ROCK1: variants seen among roughly 807,000 people sequenced by gnomAD.
The protein encoded by ROCK1 is rho-associated protein kinase 1.
A neutral mutation model predicts 196.8 loss-of-function variants in ROCK1; 36 were observed. That is an observed-to-expected ratio of 0.18 (90% CI 0.14 to 0.24). The LOEUF is 0.24. Among genes scored for constraint, ROCK1 ranks in the 10% least tolerant of loss-of-function variants. ROCK1 has a pLI of 1.00. For synonymous variants in ROCK1, 443 were observed against 515.9 expected (o/e 0.86, Z 1.91); for missense variants, 920 against 1,562.0 (o/e 0.59, Z 6.93).
chr18:20,966,897 T>C lies in ROCK1; in HGVS notation c.3352+20A>G. 15 of 1,570,252 alleles carry C rather than the reference T, an allele frequency of 9.6e-6. No individual in the cohort carries two copies. Among genetic ancestry groups the C allele is most frequent in the Non-Finnish European group, 1.3e-5 (15 of 1,148,756 alleles). On this transcript the variant is annotated intron_variant, in intron 27 of 32. Coordinates refer to ENST00000399799, the MANE Select transcript of ROCK1 (RefSeq NM_005406.3). Reference sequence around the variant, plus strand: ...TCCATGACATTTATACATGTTTGAATGATACAGAATTATTCTTACCTGGGA... The same window carrying C: ...TCCATGACATTTATACATGTTTGAACGATACAGAATTATTCTTACCTGGGA...
chr18:20,988,663 T>C (rs2143401561), intron 18 of ROCK1, among the ~76,000 whole-genome samples: 1 of 152,294 alleles, frequency 6.6e-6, no homozygotes, highest in South Asian at 2.1e-4. Context: ...AGGTGGTTCA[T>C]TTTGACTTTC....
At chr18:20,961,409 T>C (rs2035324875) in intron 27 of ROCK1, among the ~76,000 whole-genome samples, 1 of 152,220 alleles carries the variant, frequency 6.6e-6, no homozygotes. Context: ...ATATCTCATA[T>C]TTAACCTATG....
At chr18:20,976,419 C>G (rs747015417) in intron 22 of ROCK1, among the ~76,000 whole-genome samples, 4 of 152,140 alleles carry the variant, frequency 2.6e-5, no homozygotes, top group Non-Finnish European at 5.9e-5. Context: ...TTGGGTCAAC[C>G]TTTTACATAA....
intron 2 of ROCK1, among the ~76,000 whole-genome samples, chr18:21,063,320 C>CA (rs1395837587): frequency 7.2e-5 from 11 of 152,036 alleles, no homozygotes; most frequent in Admixed American, 3.9e-4. Flanking sequence ...GATAAGTATA[C>CA]AAGATGCCAT....
At chr18:21,098,541 T>C (rs1394959391) in intron 1 of ROCK1, among the ~76,000 whole-genome samples, 1 of 151,958 alleles carries the variant, frequency 6.6e-6, no homozygotes, top group African/African-American at 2.4e-5. Flanking sequence ...ACTCAAAATT[T>C]TGAAGCAACA....
chr18:21,052,915 C>T (rs1358192564), intron 2 of ROCK1, among the ~76,000 whole-genome samples: 1 of 152,094 alleles, frequency 6.6e-6, no homozygotes, highest in Non-Finnish European at 1.5e-5. Flanking sequence ...AAATATGTAA[C>T]TTAATTTCAC....
chr18:20,971,305 T>TACACATACAC (rs1555744404), intron 22 of ROCK1, among the ~76,000 whole-genome samples: 15 of 136,846 alleles, frequency 1.1e-4, no homozygotes, highest in African/African-American at 4.1e-4. Context: ...ATAGTAAACA[T>TACACATACAC]ACACACACAC....
At chr18:20,960,245 T>C (rs202060389) in intron 27 of ROCK1, 39 bp from the exon 28 acceptor site, 165 of 1,241,106 alleles carry the variant, frequency 1.3e-4, no homozygotes, top group Middle Eastern at 5.6e-4. Context: ...CAGTCTTAAA[T>C]TGTAACAAAA....
Position 20,948,336 on chromosome 18 carries a change from C to T in ROCK1, c.*3048G>A, listed in dbSNP as rs192246001. The T allele has an allele frequency of 6.6e-6, 1 of 152,008 alleles. No individual in the cohort carries two copies. Among genetic ancestry groups the T allele is most frequent in the Non-Finnish European group, 1.5e-5 (1 of 68,046 alleles). The allele number at this position is 152,008 out of a possible 1,614,324, so 9.4% of individuals were successfully genotyped here. A position where few individuals can be genotyped will look rare whatever the true frequency, so the allele number is the denominator to read the frequency against. Reference sequence around the variant, plus strand: ...TTTTCAATGAATACTGCAGTATCAACTGAATATCCATATGGGAGAAATACT... The same window carrying T: ...TTTTCAATGAATACTGCAGTATCAATTGAATATCCATATGGGAGAAATACT... On this transcript the variant is annotated 3_prime_UTR_variant, in exon 33 of 33. Transcript: ENST00000399799.
rs532447513 is a variant in ROCK1 at position 21,074,347 on chromosome 18, T to C, written c.94-3734A>G. On this transcript the variant is annotated intron_variant, in intron 1 of 32. Transcript: ENST00000399799. ...ATGTCAATGCTGCCCAGGACATTTA[T>C]AGTCAATAAATAAGTAAATAATGTT... 7.9e-5 allele frequency among the ~76,000 whole-genome samples: 12 copies of C among 152,340 alleles called. No homozygotes were observed. The East Asian group carries it at 1.9e-3, about 24-fold the overall frequency.
At chr18:21,067,143 T>C (rs1412053849) in intron 2 of ROCK1, among the ~76,000 whole-genome samples, 1 of 152,174 alleles carries the variant, frequency 6.6e-6, no homozygotes, top group Non-Finnish European at 1.5e-5. Flanking sequence ...TATCTTATTG[T>C]GGCCATAATT....
At chr18:20,997,048 C>A (rs951455485) in intron 16 of ROCK1, among the ~76,000 whole-genome samples, 1 of 151,744 alleles carries the variant, frequency 6.6e-6, no homozygotes. Flanking sequence ...AAGAGAAGAC[C>A]ACAAAACAAT....
Position 20,950,376 on chromosome 18 carries a change from C to T in ROCK1, c.*1008G>A, listed in dbSNP as rs1598503474. ...TATCAATGAAAAACTCACTGACACACATAATTTTTTGAAAATACATTTTTT... is the reference window on the plus strand; with the variant it reads ...TATCAATGAAAAACTCACTGACACATATAATTTTTTGAAAATACATTTTTT... On this transcript the variant is annotated 3_prime_UTR_variant, in exon 33 of 33. Coordinates refer to ENST00000399799, the MANE Select transcript of ROCK1 (RefSeq NM_005406.3). 1 of 152,696 alleles carries T rather than the reference C, an allele frequency of 6.5e-6. No individual in the cohort carries two copies. The highest frequency in any genetic ancestry group is 1.9e-4 in the East Asian group (1 of 5,192). The allele number at this position is 152,696 out of a possible 1,614,324, so 9.5% of individuals were successfully genotyped here.
rs777772188 is a variant in ROCK1 at position 20,954,952 on chromosome 18, G to A, written c.3684C>T (p.Gly1228=). 173 of 1,613,852 alleles carry A rather than the reference G, an allele frequency of 1.1e-4. 2 individuals are homozygous for A. In the South Asian group the frequency reaches 1.8e-3, roughly 17 times the overall value. The change falls in exon 31 of 33, where the codon GGC becomes GGT. Residue 1228 remains glycine (G), a synonymous_variant. Coordinates refer to ENST00000399799, the MANE Select transcript of ROCK1 (RefSeq NM_005406.3). ...AEKTNFQNHK[G]HEFIPTLYHF... is the part of the protein sequence containing the mutation. ...GGTAGAGTGTAGGAATAAACTCATG[G>A]CCTTTGTGATTTTGGAAATTAGTTT...
At chr18:21,029,935 G>A (rs1204203895) in intron 9 of ROCK1, among the ~76,000 whole-genome samples, 3 of 151,728 alleles carry the variant, frequency 2.0e-5, no homozygotes, top group African/African-American at 7.3e-5. Context: ...GTTCTTTTAG[G>A]GAAAAGGAAT....
intron 1 of ROCK1, among the ~76,000 whole-genome samples, chr18:21,089,342 G>A (rs1487603535): frequency 1.3e-5 from 2 of 152,300 alleles, no homozygotes; most frequent in East Asian, 1.9e-4. Flanking sequence ...TTACAGGCGT[G>A]AGCCACCGCA....
At chr18:21,043,629 GTTAT>G (rs1233832086) in intron 6 of ROCK1, among the ~76,000 whole-genome samples, 2 of 146,844 alleles carry the variant, frequency 1.4e-5, no homozygotes, top group South Asian at 4.3e-4. Flanking sequence ...CTGTGTATAT[GTTAT>G]TTATTATATA....
intron 22 of ROCK1, among the ~76,000 whole-genome samples, chr18:20,972,892 G>A (rs2035442834): frequency 6.6e-6 from 1 of 152,236 alleles, no homozygotes; most frequent in South Asian, 2.1e-4. Flanking sequence ...AGATAATGTA[G>A]TTAAAAGACG....
intron 2 of ROCK1, among the ~76,000 whole-genome samples, chr18:21,056,956 T>G (rs1452600768): frequency 6.6e-6 from 1 of 152,216 alleles, no homozygotes; most frequent in Non-Finnish European, 1.5e-5. Flanking sequence ...TTTTTTCAAA[T>G]GTCACCTTTT....
Sources: gnomAD v4.1 joint callset for allele counts (sites outside exome capture counted in the v4.1 genomes callset) on GRCh38, gnomAD v4.1.1 for gene constraint, MANE v1.5 for transcripts, NCBI Gene and HGNC (gene_info 2026-07-23, HGNC 2026-07-21) for gene names.